The following TENM3 variants were observed in gnomAD, a reference collection of about 807,000 sequenced individuals.
The protein encoded by TENM3 is teneurin transmembrane protein 3.
TENM3 carries 63 observed loss-of-function variants against 255.1 expected under a neutral mutation model. The observed-to-expected ratio is 0.25, with a 90% CI of 0.20 to 0.30. TENM3 has a LOEUF of 0.30. Ranked by LOEUF, TENM3 falls within the 10% of genes least tolerant of loss-of-function variation. The probability of loss-of-function intolerance (pLI) is 1.00; values close to 1 mark genes in which losing one functional copy is unlikely to be tolerated. For synonymous variants in TENM3, 1,306 were observed against 1,322.3 expected (o/e 0.99, Z 0.27); for missense variants, 2,929 against 3,461.1 (o/e 0.85, Z 3.86).
At chr4:182,492,743 TAAATTATGCAG>T (rs1560824560) in intron 3 of TENM3, among the ~76,000 whole-genome samples, 1 of 152,196 alleles carries the variant, frequency 6.6e-6, no homozygotes, top group Non-Finnish European at 1.5e-5. Context: ...AAGTGAATTT[TAAATTATGCAG>T]GAGAAAATAA....
In TENM3 at chr4:182,713,432, A is replaced by G. The variant is rs1037823867; in HGVS notation, c.2222-655A>G. Among the ~76,000 whole-genome samples, 3 of 152,212 alleles carry G rather than the reference A, an allele frequency of 2.0e-5. No homozygotes were observed. In the East Asian group the frequency reaches 5.8e-4, roughly 29 times the overall value. ...GTTAGAATAGATGCTAAGCTGCTTC[A>G]CTATTTCCTGGGCTTTGCTTATTCT... On this transcript the variant is annotated intron_variant, in intron 12 of 27. Coordinates refer to ENST00000511685, the MANE Select transcript of TENM3 (RefSeq NM_001080477.4).
the TENM3 span, among the ~76,000 whole-genome samples, chr4:181,562,368 A>T: frequency 6.6e-6 from 1 of 152,170 alleles, no homozygotes; most frequent in African/African-American, 2.4e-5. Flanking sequence ...AATGTACTAT[A>T]TCAGCTAAGG....
At chr4:182,699,896 A>G (rs964798865) in intron 12 of TENM3, among the ~76,000 whole-genome samples, 3 of 152,156 alleles carry the variant, frequency 2.0e-5, no homozygotes, top group Admixed American at 6.5e-5. Context: ...TTTAAAGCTC[A>G]GTTGACTGGA....
At chr4:182,307,209 G>T (rs1762184990) in intron 1 of TENM3, among the ~76,000 whole-genome samples, 1 of 152,190 alleles carries the variant, frequency 6.6e-6, no homozygotes, top group Non-Finnish European at 1.5e-5. Flanking sequence ...ATGCAGCCTG[G>T]ACTGATGAAA....
intron 3 of TENM3, among the ~76,000 whole-genome samples, chr4:182,479,262 T>C (rs978075975): frequency 1.3e-5 from 2 of 152,006 alleles, no homozygotes; most frequent in African/African-American, 4.8e-5. Flanking sequence ...AATGATACTA[T>C]ACATGTTTAT....
chr4:182,482,093 A>C (rs998000942), intron 3 of TENM3, among the ~76,000 whole-genome samples: 5 of 152,180 alleles, frequency 3.3e-5, no homozygotes, highest in Non-Finnish European at 7.4e-5. Flanking sequence ...CTAAAACAAA[A>C]GCCACCAATT....
chr4:181,905,981 T>C, the TENM3 span: 5 of 506,172 alleles, frequency 9.9e-6, no homozygotes, highest in South Asian at 6.8e-5. Flanking sequence ...GTACATACTT[T>C]TTTACTCAAT....
the TENM3 span, among the ~76,000 whole-genome samples, chr4:182,104,152 A>T: frequency 2.2e-4 from 33 of 152,300 alleles, no homozygotes; most frequent in African/African-American, 7.5e-4. Flanking sequence ...AGGTGATGTC[A>T]CTGACCATGG....
chr4:182,412,414 A>G (rs954162326), intron 3 of TENM3, among the ~76,000 whole-genome samples: 1 of 152,248 alleles, frequency 6.6e-6, no homozygotes, highest in Admixed American at 6.5e-5. Context: ...TTCAAAATGT[A>G]TATGCAAATT....
At chr4:181,717,940 T>G in the TENM3 span, among the ~76,000 whole-genome samples, 1 of 152,212 alleles carries the variant, frequency 6.6e-6, no homozygotes, top group African/African-American at 2.4e-5. Context: ...TTTAAAAATC[T>G]TAAACAGTGT....
At chr4:182,500,538 A>G (rs1408259962) in intron 3 of TENM3, among the ~76,000 whole-genome samples, 2 of 152,198 alleles carry the variant, frequency 1.3e-5, no homozygotes, top group African/African-American at 4.8e-5. Flanking sequence ...TGAATGCTTT[A>G]AGCACAATTT....
At chr4:181,852,886 G>A in the TENM3 span, among the ~76,000 whole-genome samples, 1 of 152,168 alleles carries the variant, frequency 6.6e-6, no homozygotes. Context: ...CACTGTGAAC[G>A]TACTTAACGC....
At chr4:181,572,874 C>T in the TENM3 span, among the ~76,000 whole-genome samples, 1 of 152,116 alleles carries the variant, frequency 6.6e-6, no homozygotes, top group Non-Finnish European at 1.5e-5. Context: ...TTAATCATCC[C>T]CAGTCACCCC....
At chr4:182,100,560 T>TAC in the TENM3 span, among the ~76,000 whole-genome samples, 4,318 of 107,188 alleles carry the variant, frequency 0.04, 547 homozygotes, top group African/African-American at 0.14. Context: ...CACATATATA[T>TAC]ACACACATAT....
chr4:181,775,501 T>A, the TENM3 span, among the ~76,000 whole-genome samples: 1 of 152,168 alleles, frequency 6.6e-6, no homozygotes, highest in Non-Finnish European at 1.5e-5. Context: ...CCTGAATTAG[T>A]CACGTGATGA....
chr4:181,985,499 A>T, the TENM3 span, among the ~76,000 whole-genome samples: 1 of 152,134 alleles, frequency 6.6e-6, no homozygotes, highest in African/African-American at 2.4e-5. Context: ...ATCAGAGTTT[A>T]AAAGTCTCAT....
chr4:181,527,073 C>G, the TENM3 span, among the ~76,000 whole-genome samples: 16 of 115,054 alleles, frequency 1.4e-4, no homozygotes, highest in Admixed American at 1.2e-3. Flanking sequence ...GCCCCCTGTG[C>G]GACCAGTCAG....
At chr4:182,319,439 T>C (rs1166384096) in intron 1 of TENM3, among the ~76,000 whole-genome samples, 1 of 151,858 alleles carries the variant, frequency 6.6e-6, no homozygotes, top group African/African-American at 2.4e-5. Context: ...GTTTGAACTA[T>C]GTACGAAAAT....
the TENM3 span, among the ~76,000 whole-genome samples, chr4:181,793,505 C>G: frequency 0.25 from 38,283 of 152,150 alleles, 4,994 homozygotes; most frequent in South Asian, 0.31. Flanking sequence ...TTCTAAATGT[C>G]TCTTCCTGAT....
Sources: allele counts gnomAD v4.1 joint callset (sites outside exome capture counted in the v4.1 genomes callset), GRCh38; gene constraint gnomAD v4.1.1; transcripts MANE v1.5; gene names NCBI Gene and HGNC (gene_info 2026-07-23, HGNC 2026-07-21).